The following ARHGAP15 variants were observed in gnomAD, a reference collection of about 807,000 sequenced individuals.
ARHGAP15 encodes rho GTPase-activating protein 15.
In ARHGAP15, 51 loss-of-function variants were observed where a neutral mutation model predicts 63.7. The ratio of observed to expected loss-of-function variants is 0.80; its 90% confidence interval spans 0.64 to 1.01. The LOEUF (loss-of-function observed/expected upper bound fraction) is 1.01. Among genes scored for constraint, ARHGAP15 ranks in the 50% least tolerant of loss-of-function variants. The probability of loss-of-function intolerance (pLI) is 0.00; values close to 1 mark genes in which losing one functional copy is unlikely to be tolerated. For missense variants in ARHGAP15, 560 were observed against 564.6 expected, an observed-to-expected ratio of 0.99 and a Z score of 0.08; for synonymous variants, 191 against 193.8, an observed-to-expected ratio of 0.99 and a Z score of 0.12.
At chr2:143,378,506 C>T (rs982805548) in intron 6 of ARHGAP15, among the ~76,000 whole-genome samples, 7 of 151,956 alleles carry the variant, frequency 4.6e-5, no homozygotes, top group South Asian at 2.1e-4. Context: ...CTGATAACAG[C>T]GGTAGTTTAT....
chr2:143,271,576 C>G (rs1681283165), intron 6 of ARHGAP15, among the ~76,000 whole-genome samples: 1 of 152,202 alleles, frequency 6.6e-6, no homozygotes, highest in South Asian at 2.1e-4. Flanking sequence ...CCCGGGTTCA[C>G]ACCATTCTCC....
chr2:143,564,637 A>C (rs1696151508), intron 11 of ARHGAP15, among the ~76,000 whole-genome samples: 2 of 152,198 alleles, frequency 1.3e-5, no homozygotes. Context: ...ATTTGAAAAA[A>C]GGGGAAATAG....
intron 10 of ARHGAP15, among the ~76,000 whole-genome samples, chr2:143,553,933 A>T (rs1695680337): frequency 6.6e-6 from 1 of 152,188 alleles, no homozygotes; most frequent in Admixed American, 6.5e-5. Context: ...CACCTTGTAT[A>T]AATGAATATG....
chr2:143,409,971 CT>C (rs1688376167), intron 6 of ARHGAP15, among the ~76,000 whole-genome samples: 2 of 151,992 alleles, frequency 1.3e-5, no homozygotes, highest in Admixed American at 6.6e-5. Flanking sequence ...CTTTCTTCCC[CT>C]ATTCTAAAAT....
chr2:143,593,782 A>G (rs1439150346), intron 11 of ARHGAP15, among the ~76,000 whole-genome samples: 1 of 152,188 alleles, frequency 6.6e-6, no homozygotes, highest in Non-Finnish European at 1.5e-5. Flanking sequence ...CCCCTAGAAT[A>G]TATAAAAGAA....
intron 6 of ARHGAP15, among the ~76,000 whole-genome samples, chr2:143,293,917 A>T (rs1333663936): frequency 6.6e-6 from 1 of 152,086 alleles, no homozygotes; most frequent in African/African-American, 2.4e-5. Flanking sequence ...AGGCAGAGAC[A>T]ACAGCAAAAT....
chr2:143,705,529 A>C (rs1405102465), intron 13 of ARHGAP15, among the ~76,000 whole-genome samples: 1 of 152,222 alleles, frequency 6.6e-6, no homozygotes, highest in Non-Finnish European at 1.5e-5. Flanking sequence ...AGCATTCCTC[A>C]AATGTTAATT....
chr2:143,752,473 C>T (rs569670860), intron 13 of ARHGAP15, among the ~76,000 whole-genome samples: 10 of 152,330 alleles, frequency 6.6e-5, no homozygotes, highest in Middle Eastern at 3.4e-3. Context: ...TGGGCTGCCA[C>T]CTTGTGCCAG....
At chr2:143,648,034 G>T (rs1336681950) in intron 12 of ARHGAP15, among the ~76,000 whole-genome samples, 1 of 151,998 alleles carries the variant, frequency 6.6e-6, no homozygotes, top group Non-Finnish European at 1.5e-5. Context: ...GATTGATACT[G>T]CAGCACCCAG....
intron 12 of ARHGAP15, among the ~76,000 whole-genome samples, chr2:143,665,842 C>T: frequency 6.7e-6 from 1 of 149,082 alleles, no homozygotes; most frequent in Admixed American, 6.7e-5. Flanking sequence ...AATAAAATAC[C>T]TAGGAATCCA....
chr2:143,584,303 A>C (rs1036557145), intron 11 of ARHGAP15, among the ~76,000 whole-genome samples: 1 of 152,156 alleles, frequency 6.6e-6, no homozygotes, highest in Admixed American at 6.6e-5. Flanking sequence ...TGCTATTGCA[A>C]TATAATCTGG....
At chr2:143,747,126 T>C (rs1686198309) in intron 13 of ARHGAP15, among the ~76,000 whole-genome samples, 1 of 152,054 alleles carries the variant, frequency 6.6e-6, no homozygotes, top group African/African-American at 2.4e-5. Flanking sequence ...AAATACCTAA[T>C]GCATGCAGGG....
At chr2:143,176,877 C>T (rs563144161) in intron 2 of ARHGAP15, among the ~76,000 whole-genome samples, 29 of 152,220 alleles carry the variant, frequency 1.9e-4, no homozygotes, top group South Asian at 1.5e-3. Flanking sequence ...CAGCTGGGGC[C>T]GAGGGTTGCA....
At chr2:143,476,958 A>G (rs1558997631) in intron 8 of ARHGAP15, among the ~76,000 whole-genome samples, 1 of 152,166 alleles carries the variant, frequency 6.6e-6, no homozygotes, top group Admixed American at 6.5e-5. Context: ...TGCTATACAC[A>G]TGATGTGAGC....
At chr2:143,207,134 G>T (rs1692361311) in intron 3 of ARHGAP15, among the ~76,000 whole-genome samples, 1 of 151,556 alleles carries the variant, frequency 6.6e-6, no homozygotes, top group Non-Finnish European at 1.5e-5. Context: ...AGAACCATTA[G>T]AATATTCAGA....
intron 1 of ARHGAP15, among the ~76,000 whole-genome samples, chr2:143,150,169 G>C (rs914704493): frequency 8.6e-5 from 13 of 152,026 alleles, no homozygotes; most frequent in African/African-American, 2.9e-4. Context: ...TTATATCATA[G>C]TGCCTATCCA....
At chr2:143,482,366 A>G (rs559192118) in intron 8 of ARHGAP15, among the ~76,000 whole-genome samples, 2 of 152,284 alleles carry the variant, frequency 1.3e-5, no homozygotes, top group African/African-American at 4.8e-5. Flanking sequence ...GCTGAATTCT[A>G]TTTTTCATAA....
intron 13 of ARHGAP15, among the ~76,000 whole-genome samples, chr2:143,716,571 C>T (rs1559141758): frequency 2.6e-5 from 4 of 152,090 alleles, no homozygotes; most frequent in Admixed American, 6.5e-5. Flanking sequence ...AAAAAAATCA[C>T]CTTGACTTAA....
chr2:143,504,020 A>G (rs763282560), intron 9 of ARHGAP15, among the ~76,000 whole-genome samples: 6 of 152,164 alleles, frequency 3.9e-5, no homozygotes, highest in Non-Finnish European at 8.8e-5. Flanking sequence ...GGGAAAGATT[A>G]ATGCTTTTAT....
Sources: allele counts gnomAD v4.1 joint callset (sites outside exome capture counted in the v4.1 genomes callset), GRCh38; gene constraint gnomAD v4.1.1; transcripts MANE v1.5; gene names NCBI Gene and HGNC (gene_info 2026-07-23, HGNC 2026-07-21).